The following GRID2 variants were observed in gnomAD, a reference collection of about 807,000 sequenced individuals.
GRID2 encodes glutamate receptor ionotropic, delta-2.
A neutral mutation model predicts 114.8 loss-of-function variants in GRID2; 33 were observed. That is an observed-to-expected ratio of 0.29 (90% CI 0.22 to 0.38). The LOEUF (loss-of-function observed/expected upper bound fraction) is 0.38. Ranked by LOEUF, GRID2 falls within the 10% of genes least tolerant of loss-of-function variation. The probability of loss-of-function intolerance (pLI) is 1.00; values close to 1 mark genes in which losing one functional copy is unlikely to be tolerated. For synonymous variants in GRID2, 505 were observed against 449.9 expected (o/e 1.12, Z -1.55); for missense variants, 1,184 against 1,257.7 (o/e 0.94, Z 0.89).
chr4:93,103,840 GTT>G (rs35621225), intron 3 of GRID2, among the ~76,000 whole-genome samples: 1 of 142,450 alleles, frequency 7.0e-6, no homozygotes, highest in Non-Finnish European at 1.5e-5. Context: ...AAAATCCCTT[GTT>G]TTTTTTTTTT....
chr4:92,544,166 C>A (rs1002951884), intron 1 of GRID2, among the ~76,000 whole-genome samples: 2 of 152,060 alleles, frequency 1.3e-5, no homozygotes, highest in Non-Finnish European at 2.9e-5. Context: ...AAATGTTGCC[C>A]TGTAATTATC....
At chr4:93,152,265 A>C (rs937182714) in intron 4 of GRID2, among the ~76,000 whole-genome samples, 2 of 152,176 alleles carry the variant, frequency 1.3e-5, no homozygotes, top group Non-Finnish European at 2.9e-5. Flanking sequence ...ATTTTAAAGT[A>C]GACTTCACCA....
rs79314274 is a variant in GRID2 at position 93,783,134 on chromosome 4, T to G, written c.221+13684T>G. ...CTCATCTGAACAAGCAAGTCGCTAA[T>G]TTCTGCTGCAATGTTTGTCCTCGTG... On this transcript the variant is annotated intron_variant, in intron 1 of 1. Coordinates refer to the GRID2 transcript ENST00000637838. Among the ~76,000 whole-genome samples, 958 of 152,364 alleles carry G rather than the reference T, an allele frequency of 6.3e-3. 12 individuals carry two copies. Among genetic ancestry groups the G allele is most frequent in the African/African-American group, 0.022 (909 of 41,584 alleles).
At chr4:93,593,648 G>T (rs2149621043) in intron 13 of GRID2, among the ~76,000 whole-genome samples, 1 of 151,876 alleles carries the variant, frequency 6.6e-6, no homozygotes, top group Non-Finnish European at 1.5e-5. Context: ...CCTGCAGAGT[G>T]TTTTCCAACT....
chr4:93,715,447 G>A (rs1443067130), intron 14 of GRID2, among the ~76,000 whole-genome samples: 1 of 152,112 alleles, frequency 6.6e-6, no homozygotes, highest in East Asian at 1.9e-4. Context: ...TTTTCAAATA[G>A]GTTTTTCTAA....
chr4:93,039,903 AT>A (rs776533466), intron 2 of GRID2, among the ~76,000 whole-genome samples: 6 of 152,170 alleles, frequency 3.9e-5, no homozygotes. Flanking sequence ...AATATATGGT[AT>A]TAGTGTGCAA....
intron 2 of GRID2, among the ~76,000 whole-genome samples, chr4:92,766,363 C>A (rs1738267025): frequency 6.6e-6 from 1 of 151,824 alleles, no homozygotes; most frequent in South Asian, 2.1e-4. Context: ...ATGGTGAAAC[C>A]CCGTCTCTAC....
At chr4:92,582,695 G>A (rs1257680162) in intron 1 of GRID2, among the ~76,000 whole-genome samples, 1 of 151,834 alleles carries the variant, frequency 6.6e-6, no homozygotes, top group East Asian at 1.9e-4. Flanking sequence ...GGGTGTTGTG[G>A]CTTATGCCTG....
At chr4:92,512,783 A>T (rs2149133030) in intron 1 of GRID2, among the ~76,000 whole-genome samples, 1 of 151,980 alleles carries the variant, frequency 6.6e-6, no homozygotes, top group East Asian at 1.9e-4. Context: ...AGAATGGGAT[A>T]GTTTTATTTG....
chr4:93,619,283 A>G (rs565109999), intron 13 of GRID2, among the ~76,000 whole-genome samples: 31 of 152,354 alleles, frequency 2.0e-4, no homozygotes, highest in African/African-American at 6.3e-4. Context: ...AGAAGAATTG[A>G]TGAATGCTGC....
intron 1 of GRID2, among the ~76,000 whole-genome samples, chr4:92,390,159 CAGAT>C (rs1264080627): frequency 6.6e-6 from 1 of 152,036 alleles, no homozygotes; most frequent in Non-Finnish European, 1.5e-5. Flanking sequence ...ACACGGAAGA[CAGAT>C]AGAAACAAAC....
At chr4:93,711,865 G>T (rs1560933355) in intron 14 of GRID2, among the ~76,000 whole-genome samples, 1 of 152,294 alleles carries the variant, frequency 6.6e-6, no homozygotes, top group East Asian at 1.9e-4. Context: ...TACTCTAAGT[G>T]CTCACCTGAT....
chr4:93,424,087 T>C (rs978803486), intron 10 of GRID2, among the ~76,000 whole-genome samples: 1 of 152,112 alleles, frequency 6.6e-6, no homozygotes, highest in Non-Finnish European at 1.5e-5. Context: ...AGTAATAAAT[T>C]TTCAGCAATA....
intron 4 of GRID2, among the ~76,000 whole-genome samples, chr4:93,186,448 A>C (rs1204514373): frequency 6.6e-6 from 1 of 152,138 alleles, no homozygotes. Flanking sequence ...ACTGCACACC[A>C]ATTTTTTAAA....
At chr4:92,468,018 T>A (rs984127041) in intron 1 of GRID2, among the ~76,000 whole-genome samples, 2 of 151,610 alleles carry the variant, frequency 1.3e-5, no homozygotes, top group Admixed American at 1.3e-4. Flanking sequence ...ATCAATACTA[T>A]GTGTATATGA....
chr4:92,922,630 A>T (rs778370467), intron 2 of GRID2, among the ~76,000 whole-genome samples: 1 of 152,238 alleles, frequency 6.6e-6, no homozygotes, highest in Non-Finnish European at 1.5e-5. Context: ...ACTATGTAAT[A>T]GTCCAAAATC....
chr4:92,719,242 C>T (rs897167920), intron 2 of GRID2, among the ~76,000 whole-genome samples: 1 of 152,118 alleles, frequency 6.6e-6, no homozygotes, highest in Non-Finnish European at 1.5e-5. Context: ...TCGCCTCAGT[C>T]TCCCAAAGTG....
At chr4:92,576,904 G>C (rs1292864558) in intron 1 of GRID2, among the ~76,000 whole-genome samples, 1 of 151,832 alleles carries the variant, frequency 6.6e-6, no homozygotes, top group Admixed American at 6.6e-5. Flanking sequence ...CTTTCTCTTT[G>C]GGCTATTTTT....
At chr4:92,882,190 G>C (rs1425955175) in intron 2 of GRID2, among the ~76,000 whole-genome samples, 1 of 152,108 alleles carries the variant, frequency 6.6e-6, no homozygotes, top group Non-Finnish European at 1.5e-5. Flanking sequence ...TCTTGAAATA[G>C]TCTGCCAGAT....
Sources: gnomAD v4.1 joint callset for allele counts (sites outside exome capture counted in the v4.1 genomes callset) on GRCh38, gnomAD v4.1.1 for gene constraint, MANE v1.5 for transcripts, NCBI Gene and HGNC (gene_info 2026-07-23, HGNC 2026-07-21) for gene names.